The following SRA1 variants were observed in gnomAD, a reference collection of about 807,000 sequenced individuals.
The protein encoded by SRA1 is lncRNA SRA.
Under a neutral mutation model 24.3 loss-of-function variants are expected in SRA1, and 25 were observed. That is an observed-to-expected ratio of 1.03 (90% confidence interval 0.75 to 1.43). The LOEUF is 1.43. Among genes scored for constraint, SRA1 ranks in the 40% most tolerant of loss-of-function variants. The pLI, the probability that SRA1 is intolerant of heterozygous loss-of-function variation, is 0.00. For missense variants in SRA1, 303 were observed against 286.6 expected, an observed-to-expected ratio of 1.06 and a Z score of -0.41; for synonymous variants, 104 against 109.5, an observed-to-expected ratio of 0.95 and a Z score of 0.31.
upstream of SRA1, chr5:140,557,500 C>CT (rs1754760837): frequency 2.6e-6 from 4 of 1,539,638 alleles, no homozygotes; most frequent in Non-Finnish European, 3.5e-6. Flanking sequence ...TCCGGGGCGG[C>CT]CCCTCACGCG....
Position 140,557,129 on chromosome 5 carries a change from C to T in SRA1, c.151+18G>A. The T allele has an allele frequency of 6.5e-7, 1 of 1,535,472 alleles. No individual in the cohort carries two copies. On this transcript the variant is annotated intron_variant, in intron 2 of 4. Coordinates refer to ENST00000336283, the MANE Select transcript of SRA1 (RefSeq NM_001035235.4). ...CCCCCATTCTCCGTCTGTCTCCGAG[C>T]ACAGGGGCCCCACGCACCTCTGGGG...
Position 140,551,997 on chromosome 5 carries a change from G to T in SRA1, c.339C>A (p.Cys113Ter). Reference protein sequence around the residue: ...LRPLEQALEDCRGHTRKQVCD... With the variant: ...LRPLEQALED ...CAGAGCTTACCCTTGTGTGGCCACGGCAGTCTTCCAATGCCTGTTCCAAAG... is the reference window on the plus strand; with the variant it reads ...CAGAGCTTACCCTTGTGTGGCCACGTCAGTCTTCCAATGCCTGTTCCAAAG... Residue 113 changes from cysteine (C) to a stop codon, truncating the protein, a stop_gained, in exon 3 of 5, where the codon TGC becomes TGA. Transcript: ENST00000336283. LOFTEE classifies it high-confidence loss of function. 1 of 1,613,934 alleles carries T rather than the reference G, an allele frequency of 6.2e-7. No homozygotes were observed. Among genetic ancestry groups the T allele is most frequent in the Non-Finnish European group, 8.5e-7 (1 of 1,179,926 alleles).
In SRA1 at chr5:140,557,194, G is replaced by A. The variant is rs369799757; in HGVS notation, c.104C>T (p.Ser35Leu). The A allele has an allele frequency of 1.9e-5, 30 of 1,612,946 alleles. No individual in the cohort carries two copies. The highest frequency in any genetic ancestry group is 2.1e-5 in the Non-Finnish European group (25 of 1,179,900). Residue 35 changes from serine (S) to leucine (L), a missense_variant, in exon 2 of 5, where the codon TCG becomes TTG. By Grantham distance (145) the Ser-to-Leu change is moderately radical. Coordinates refer to ENST00000336283, the MANE Select transcript of SRA1 (RefSeq NM_001035235.4). ...TGCGGCGACCCTCTTGGTAAGCAGC[G>A]AGCGCCTGGGTCCGCCGGCCTGGGT... ...LQTQAGGPRR[S>L]LLTKRVAAPQ...
Position 140,550,922 on chromosome 5 carries a change from A to C in SRA1, c.464-11T>G, listed in dbSNP as rs368058228. The stretch of plus-strand genomic sequence containing the variant: ...GGTGGCTTGAAAGCTCTGAAGAGAG[A>C]CGGGGGTTGAGCAAGCAGCCTGTGG... On this transcript the variant is annotated splice_polypyrimidine_tract_variant and intron_variant, in intron 4 of 4. Transcript: ENST00000336283. 1 of 1,613,346 alleles carries C rather than the reference A, an allele frequency of 6.2e-7. No individual in the cohort carries two copies. Among genetic ancestry groups the C allele is most frequent in the Non-Finnish European group, 8.5e-7 (1 of 1,179,524 alleles).
In SRA1 at chr5:140,550,619, G is replaced by T; in HGVS notation, c.*81C>A. On this transcript the variant is annotated 3_prime_UTR_variant, in exon 5 of 5. Coordinates refer to ENST00000336283, the MANE Select transcript of SRA1 (RefSeq NM_001035235.4). ...GGTCAGGCCCAGTGGGACAGTCTTG[G>T]TGGTGGTAAGAAGGGAGCCAAGTGA... 1 of 1,395,672 alleles carries T rather than the reference G, an allele frequency of 7.2e-7. No homozygotes were observed. The highest frequency in any genetic ancestry group is 1.0e-6 in the Non-Finnish European group (1 of 985,110). The allele number at this position is 1,395,672 out of a possible 1,614,324, so 86.5% of individuals were successfully genotyped here. A position where few individuals can be genotyped will look rare whatever the true frequency, so the allele number is the denominator to read the frequency against.
At chr5:140,555,352 T>C (rs1754666380) in intron 2 of SRA1, among the ~76,000 whole-genome samples, 1 of 152,118 alleles carries the variant, frequency 6.6e-6, no homozygotes. Context: ...GTTCAAGCGA[T>C]TCTCCTGTCT....
At position 140,552,100 on chromosome 5, in the gene SRA1, C is replaced by T; in HGVS notation, c.236G>A (p.Gly79Glu). 3 of 1,613,774 alleles carry T rather than the reference C, an allele frequency of 1.9e-6. No individual in the cohort carries two copies. Among genetic ancestry groups the T allele is most frequent in the Non-Finnish European group, 2.5e-6 (3 of 1,179,826 alleles). The change falls in exon 3 of 5, where the codon GGG becomes GAG. Residue 79 changes from glycine (G) to glutamate (E), a missense_variant. Coordinates refer to ENST00000336283, the MANE Select transcript of SRA1 (RefSeq NM_001035235.4). ...SSKAPRSPPV[G>E]SGPASGVEPT... Reference sequence around the variant, plus strand: ...CTCCACGCCAGAGGCAGGACCACTCCCCACAGGTGGGGACCTGGGAGCCTT... The same window carrying T: ...CTCCACGCCAGAGGCAGGACCACTCTCCACAGGTGGGGACCTGGGAGCCTT...
At position 140,557,231 on chromosome 5, in the gene SRA1, A is replaced by T. The variant is rs1194082316; in HGVS notation, c.67T>A (p.Tyr23Asn). 4 of 1,613,246 alleles carry T rather than the reference A, an allele frequency of 2.5e-6. No individual in the cohort carries two copies. The highest frequency in any genetic ancestry group is 3.4e-6 in the Non-Finnish European group (4 of 1,179,970). ...RGWNDPPQFS[Y>N]GLQTQAGGPR... ...CCGCCGGCCTGGGTCTGCAGCCCGT[A>T]TGAGAACTGCGGCGGGTCGTTCCAG... The change falls in exon 2 of 5, where the codon TAC (tyrosine) becomes AAC (asparagine). Residue 23 changes from tyrosine to asparagine, a missense_variant. By Grantham distance (143) the Tyr-to-Asn change is moderately radical. Transcript: ENST00000336283.
chr5:140,557,095 AC>A (rs58321242), intron 2 of SRA1, 51 bp downstream of exon 2: 118,291 of 820,622 alleles, frequency 0.14, 4,713 homozygotes, highest in African/African-American at 0.2. Flanking sequence ...TATGCCTTAC[AC>A]CCCCCCCCCC....
chr5:140,552,114 C>T lies in SRA1; in HGVS notation c.222G>A (p.Arg74=). ...CAGGACCACTCCCCACAGGTGGGGACCTGGGAGCCTTACTTGAAGGAGGTG... is the reference window on the plus strand; with the variant it reads ...CAGGACCACTCCCCACAGGTGGGGATCTGGGAGCCTTACTTGAAGGAGGTG... ...GPPPPSSKAP[R]SPPVGSGPAS... Residue 74 remains arginine (R), a synonymous_variant, in exon 3 of 5, where the codon AGG becomes AGA. Transcript: ENST00000336283. 1 of 1,613,202 alleles carries T rather than the reference C, an allele frequency of 6.2e-7. No individual in the cohort carries two copies.
chr5:140,556,937 T>C (rs1159535276), intron 2 of SRA1, among the ~76,000 whole-genome samples: 1 of 152,030 alleles, frequency 6.6e-6, no homozygotes. Context: ...GATGAAAAAA[T>C]AGTCTTTTTA....
chr5:140,557,753 C>A, upstream of SRA1: 1 of 533,594 alleles, frequency 1.9e-6, no homozygotes, highest in Non-Finnish European at 3.3e-6. Flanking sequence ...AGCTCCTGCC[C>A]CACATACACC....
Position 140,550,177 on chromosome 5 carries a change from T to C in SRA1, c.*523A>G, listed in dbSNP as rs1417106422. ...AACCCCACTCAATGTGGTTCTAATC[T>C]CTGTAACAGTAGTATCTCAAGGGTG... On this transcript the variant is annotated 3_prime_UTR_variant, in exon 5 of 5. Coordinates refer to ENST00000336283, the MANE Select transcript of SRA1 (RefSeq NM_001035235.4). 6.3e-6 allele frequency: 1 copy of C among 157,490 alleles called. No individual in the cohort carries two copies. The highest frequency in any genetic ancestry group is 2.4e-5 in the African/African-American group (1 of 41,494). The allele number at this position is 157,490 out of a possible 1,614,324, so 9.8% of individuals were successfully genotyped here.
intron 2 of SRA1, among the ~76,000 whole-genome samples, chr5:140,554,128 C>T (rs1581398442): frequency 6.6e-6 from 1 of 152,270 alleles, no homozygotes; most frequent in Middle Eastern, 3.4e-3. Flanking sequence ...CTTACCCCTT[C>T]CAGCTCAGCT....
rs770758695 is a variant in SRA1, at chr5:140,557,207, C to T, written c.91G>A (p.Gly31Arg). Residue 31 changes from glycine to arginine, a missense_variant, in exon 2 of 5, where the codon GGA becomes AGA. By Grantham distance (125) the Gly-to-Arg change is moderately radical. Coordinates refer to ENST00000336283, the MANE Select transcript of SRA1 (RefSeq NM_001035235.4). The part of the protein sequence containing the change: ...FSYGLQTQAG[G>R]PRRSLLTKRV... ...TTGGTAAGCAGCGAGCGCCTGGGTCCGCCGGCCTGGGTCTGCAGCCCGTAT... is the reference window on the plus strand; with the variant it reads ...TTGGTAAGCAGCGAGCGCCTGGGTCTGCCGGCCTGGGTCTGCAGCCCGTAT... 3 of 1,613,132 alleles carry T rather than the reference C, an allele frequency of 1.9e-6. No individual in the cohort carries two copies. The highest frequency in any genetic ancestry group is 1.3e-5 in the African/African-American group (1 of 74,892).
At chr5:140,557,579 A>C, upstream of SRA1, 2 of 1,166,418 alleles carry the variant, frequency 1.7e-6, no homozygotes, top group East Asian at 2.6e-5. Flanking sequence ...CTGGTTCACA[A>C]CCGTCGGGAG....
chr5:140,551,567 CTTTCT>C (rs1220832902), intron 3 of SRA1: 5 of 209,582 alleles, frequency 2.4e-5, no homozygotes, highest in Non-Finnish European at 4.8e-5. Flanking sequence ...GCTACTTTCC[CTTTCT>C]TTTAAGACAT....
chr5:140,557,445 T>G lies in SRA1; in HGVS notation c.8A>C (p.Glu3Ala). The G allele has an allele frequency of 6.4e-7, 1 of 1,562,086 alleles. No homozygotes were observed. Among genetic ancestry groups the G allele is most frequent in the Non-Finnish European group, 8.7e-7 (1 of 1,154,842 alleles). ...GCGCTCACCCGGCTTCACGTACAGCTCCGCCATCTCCACTTCCGCTTGGCC... is the reference window on the plus strand; with the variant it reads ...GCGCTCACCCGGCTTCACGTACAGCGCCGCCATCTCCACTTCCGCTTGGCC... MA[E>A]LYVKPGNKER... Residue 3 changes from glutamate (E) to alanine (A), a missense_variant, in exon 1 of 5, where the codon GAG becomes GCG. Glu to Ala is a moderately radical substitution (Grantham distance 107). Coordinates refer to ENST00000336283, the MANE Select transcript of SRA1 (RefSeq NM_001035235.4).
intron 4 of SRA1, 62 bp downstream of exon 4, chr5:140,550,999 C>G (rs913865406): frequency 2.8e-5 from 44 of 1,578,632 alleles, no homozygotes; most frequent in Admixed American, 3.3e-5. Flanking sequence ...TCAGCACCTG[C>G]TCCAGCATAG....
Sources: gnomAD v4.1 joint callset for allele counts (sites outside exome capture counted in the v4.1 genomes callset) on GRCh38, gnomAD v4.1.1 for gene constraint, MANE v1.5 for transcripts, NCBI Gene and HGNC (gene_info 2026-07-23, HGNC 2026-07-21) for gene names.